Variants in IRAG1 observed in about 807,000 individuals in gnomAD.
The protein encoded by IRAG1 is IP3R-associated cGMP kinase substrate.
A neutral mutation model predicts 106.2 loss-of-function variants in IRAG1; 62 were observed. The observed-to-expected ratio is 0.58, with a 90% CI of 0.48 to 0.72. The LOEUF (loss-of-function observed/expected upper bound fraction) is 0.72. Ranked by LOEUF, IRAG1 falls within the 30% of genes least tolerant of loss-of-function variation. The pLI is 0.00. For synonymous variants in IRAG1, 462 were observed against 443.9 expected (o/e 1.04, Z -0.51); for missense variants, 1,064 against 1,140.7 (o/e 0.93, Z 0.97).
At chr11:10,618,706 A>C (rs16908063) in intron 10 of IRAG1, among the ~76,000 whole-genome samples, 6,732 of 152,290 alleles carry the variant, frequency 0.044, 320 homozygotes, top group African/African-American at 0.12. Flanking sequence ...AGAAGACAGA[A>C]TGTGCCATGC....
intron 10 of IRAG1, among the ~76,000 whole-genome samples, chr11:10,610,281 A>C (rs183284525): frequency 6.6e-6 from 1 of 152,240 alleles, no homozygotes; most frequent in African/African-American, 2.4e-5. Context: ...AAAATGTTCT[A>C]TATTATGTAT....
chr11:10,604,637 C>T lies in IRAG1; in HGVS notation c.1603-92G>A, dbSNP rs7119956. The T allele has an allele frequency of 9.6e-4, 1,432 of 1,491,110 alleles. 9 individuals are homozygous for T. In the African/African-American group the frequency reaches 0.017, roughly 17 times the overall value. 92.4% of individuals were successfully genotyped at this position (1,491,110 alleles called of 1,614,324 possible). On this transcript the variant is annotated intron_variant, in intron 12 of 20. Transcript: ENST00000423302. The stretch of plus-strand genomic sequence containing the variant: ...TGCTCCTTGCACGAGCGTTTTGCAA[C>T]GGCCCCTGGAACAGCCGCCAAAGCA...
intron 12 of IRAG1, among the ~76,000 whole-genome samples, chr11:10,606,178 A>G (rs1023449208): frequency 2.0e-5 from 3 of 152,116 alleles, no homozygotes; most frequent in African/African-American, 4.8e-5. Flanking sequence ...CTCACCTCTG[A>G]TAAGTTCTCT....
chr11:10,660,883 T>A (rs1320236879), intron 1 of IRAG1, among the ~76,000 whole-genome samples: 1 of 152,160 alleles, frequency 6.6e-6, no homozygotes, highest in East Asian at 1.9e-4. Flanking sequence ...CAATCCTAGT[T>A]CAGAAATGCC....
At chr11:10,578,921 T>C (rs1482540300) in intron 20 of IRAG1, among the ~76,000 whole-genome samples, 2 of 152,246 alleles carry the variant, frequency 1.3e-5, no homozygotes, top group African/African-American at 4.8e-5. Context: ...CTCTGCTGTA[T>C]TCACGGGTGC....
intron 1 of IRAG1, among the ~76,000 whole-genome samples, chr11:10,686,681 G>T (rs573268292): frequency 1.3e-5 from 2 of 152,100 alleles, no homozygotes; most frequent in Non-Finnish European, 2.9e-5. Context: ...AGGTCTATAG[G>T]CCACAGAGAG....
At chr11:10,589,808 T>C (rs1323766534) in intron 18 of IRAG1, among the ~76,000 whole-genome samples, 1 of 152,180 alleles carries the variant, frequency 6.6e-6, no homozygotes, top group East Asian at 1.9e-4. Flanking sequence ...CTATTGATCG[T>C]CACCCATTGA....
At chr11:10,640,752 C>T (rs905870583) in intron 2 of IRAG1, among the ~76,000 whole-genome samples, 18 of 152,268 alleles carry the variant, frequency 1.2e-4, no homozygotes, top group African/African-American at 3.6e-4. Flanking sequence ...ATAGCGTTGG[C>T]CAGACAACCT....
chr11:10,655,547 G>A (rs1349454965), intron 1 of IRAG1, among the ~76,000 whole-genome samples: 1 of 152,184 alleles, frequency 6.6e-6, no homozygotes, highest in East Asian at 1.9e-4. Flanking sequence ...GTTCTTTAAG[G>A]TAGTGAGTCC....
intron 1 of IRAG1, chr11:10,690,476 G>T (rs190909515): frequency 3.2e-6 from 4 of 1,241,454 alleles, no homozygotes; most frequent in Non-Finnish European, 2.1e-6. Flanking sequence ...GGTCATGGGC[G>T]TGAGTTACCT....
At chr11:10,636,508 A>G (rs185833455) in intron 2 of IRAG1, among the ~76,000 whole-genome samples, 2 of 152,356 alleles carry the variant, frequency 1.3e-5, no homozygotes, top group African/African-American at 4.8e-5. Context: ...CTAAGCATCT[A>G]GCATATGATT....
At chr11:10,668,446 T>C (rs895931797) in intron 1 of IRAG1, among the ~76,000 whole-genome samples, 8 of 152,240 alleles carry the variant, frequency 5.3e-5, no homozygotes, top group African/African-American at 1.7e-4. Context: ...CAACAAACTA[T>C]GGCCTTTGGG....
rs116255559 is a variant in IRAG1, at chr11:10,657,004, T to G, written c.68-4822A>C. ...GTCTTATGAGGGCTAAAGAGTGGCC[T>G]ACAGTTGAGCCTGCATGTCCTCTGG... On this transcript the variant is annotated intron_variant, in intron 1 of 20. Transcript: ENST00000423302. The surrounding 1 kb of genome is among the most constrained non-coding windows in gnomAD (Gnocchi z 4.1). 6.2e-3 allele frequency among the ~76,000 whole-genome samples: 937 copies of G among 152,240 alleles called. 10 individuals are homozygous for G. The highest frequency in any genetic ancestry group is 0.021 in the African/African-American group (879 of 41,534).
intron 8 of IRAG1, 116 bp from the exon 9 acceptor site, chr11:10,626,699 A>G (rs547333489): frequency 7.5e-6 from 9 of 1,205,616 alleles, no homozygotes; most frequent in South Asian, 4.8e-5. Context: ...GCCCATTTGT[A>G]TAAGTGTGTA....
At chr11:10,580,345 G>T in intron 20 of IRAG1, 110 bp downstream of exon 20, 1 of 1,519,662 alleles carries the variant, frequency 6.6e-7, no homozygotes, top group Non-Finnish European at 8.8e-7. Flanking sequence ...TGGGGCCCCA[G>T]ATTCACTGCT....
chr11:10,677,343 A>G (rs1006068477), intron 1 of IRAG1, among the ~76,000 whole-genome samples: 3 of 152,200 alleles, frequency 2.0e-5, no homozygotes, highest in Non-Finnish European at 4.4e-5. Flanking sequence ...TACATACTGT[A>G]GTACCTCTTG....
intron 18 of IRAG1, among the ~76,000 whole-genome samples, chr11:10,585,026 G>A (rs1162173209): frequency 1.3e-5 from 2 of 152,162 alleles, no homozygotes; most frequent in Non-Finnish European, 2.9e-5. Flanking sequence ...ACACTTCAGA[G>A]TCAGAGGAAC....
chr11:10,604,644 T>C, intron 12 of IRAG1, 99 bp from the exon 13 acceptor site: 2 of 1,421,124 alleles, frequency 1.4e-6, no homozygotes, highest in East Asian at 2.3e-5. Flanking sequence ...CAACGGCCCC[T>C]GGAACAGCCG....
chr11:10,621,777 T>C (rs910283124), intron 10 of IRAG1, among the ~76,000 whole-genome samples: 2 of 152,252 alleles, frequency 1.3e-5, no homozygotes, highest in African/African-American at 4.8e-5. Context: ...GTTTATTAAT[T>C]AAGATTGAAT....
Sources: allele counts gnomAD v4.1 joint callset (sites outside exome capture counted in the v4.1 genomes callset), GRCh38; gene constraint gnomAD v4.1.1; non-coding constraint Gnocchi (gnomAD v3.1); transcripts MANE v1.5; gene names NCBI Gene and HGNC (gene_info 2026-07-23, HGNC 2026-07-21).